Variants in GSE1 observed in about 807,000 individuals in gnomAD.
GSE1 encodes Gse1 coiled-coil protein.
In GSE1, 32 loss-of-function variants were observed where a neutral mutation model predicts 112.6. The observed-to-expected ratio is 0.28, with a 90% confidence interval of 0.21 to 0.38. GSE1 has a LOEUF of 0.38. Ranked by LOEUF, GSE1 falls within the 10% of genes least tolerant of loss-of-function variation. GSE1 has a pLI of 1.00. For synonymous variants in GSE1, 1,115 were observed against 735.6 expected, an observed-to-expected ratio of 1.52 and a Z score of -8.35; for missense variants, 2,348 against 1,699.2, an observed-to-expected ratio of 1.38 and a Z score of -6.71.
chr16:85,603,295 T>G (rs146669840), intron 1 of GSE1, among the ~76,000 whole-genome samples: 29 of 151,880 alleles, frequency 1.9e-4, no homozygotes, highest in African/African-American at 6.5e-4. Flanking sequence ...AGACGCCGAG[T>G]GGGGAAAGTT....
intron 2 of GSE1, among the ~76,000 whole-genome samples, chr16:85,388,572 G>A (rs2047759418): frequency 6.7e-6 from 1 of 149,584 alleles, no homozygotes; most frequent in Admixed American, 6.7e-5. Flanking sequence ...GGGTAGATGG[G>A]TGAGTGGATG....
chr16:85,633,037 C>T (rs1489078879), intron 1 of GSE1, among the ~76,000 whole-genome samples: 1 of 144,468 alleles, frequency 6.9e-6, no homozygotes, highest in Non-Finnish European at 1.5e-5. Context: ...CCGCTGTCAC[C>T]ACTGGCCGGG....
At position 85,207,215 on chromosome 16, in the gene GSE1, C is replaced by T. The variant is rs189423309; in HGVS notation, c.2283+35408C>T. 5.6e-3 allele frequency among the ~76,000 whole-genome samples: 858 copies of T among 152,312 alleles called. 7 individuals are homozygous for T. The highest frequency in any genetic ancestry group is 0.02 in the African/African-American group (832 of 41,562). ...CCCCCGTCCTCCCAAGGGCACTGCTCCCCAGCAGAACCCCCACTTGCTCCT... is the reference window on the plus strand; with the variant it reads ...CCCCCGTCCTCCCAAGGGCACTGCTTCCCAGCAGAACCCCCACTTGCTCCT... On this transcript the variant is annotated intron_variant, in intron 1 of 2. Coordinates refer to the GSE1 transcript ENST00000637419.
At chr16:85,343,100 T>C (rs901398624) in intron 1 of GSE1, among the ~76,000 whole-genome samples, 1 of 152,012 alleles carries the variant, frequency 6.6e-6, no homozygotes, top group Non-Finnish European at 1.5e-5. Flanking sequence ...TTCTTGATCC[T>C]GTTAAACCCA....
At chr16:85,337,051 C>T (rs2046505297) in intron 1 of GSE1, among the ~76,000 whole-genome samples, 1 of 152,252 alleles carries the variant, frequency 6.6e-6, no homozygotes, top group South Asian at 2.1e-4. Context: ...CACACTGACA[C>T]ATATGCACAC....
chr16:85,612,651 A>C (rs1194040314), upstream of GSE1, among the ~76,000 whole-genome samples: 1 of 148,474 alleles, frequency 6.7e-6, no homozygotes, highest in African/African-American at 2.5e-5. Context: ...TTTTGAGGCC[A>C]AGTTCTTAGT....
rs1555526332 is a variant in GSE1, at chr16:85,519,567, T to TTTCACCACCATCACCAC, written c.2465-114347_2465-114346insTTCACCACCATCACCAC. Among the ~76,000 whole-genome samples the TTTCACCACCATCACCAC allele has an allele frequency of 3.3e-3, 4 of 1,206 alleles. 2 individuals carry two copies. Among genetic ancestry groups the TTTCACCACCATCACCAC allele is most frequent in the South Asian group, 0.1 (2 of 20 alleles). 0.8% of individuals were successfully genotyped at this position (1,206 alleles called of 152,430 possible). A position where few individuals can be genotyped will look rare whatever the true frequency, so the allele number is the denominator to read the frequency against. ...ACTATTACCACCATCACTATCATCA[T>TTTCACCACCATCACCAC]CACCATCACCAGTCTCCATCATCAT... On this transcript the variant is annotated intron_variant, in intron 2 of 2. Transcript: ENST00000637419.
At chr16:85,640,482 C>T (rs950988147) in intron 2 of GSE1, among the ~76,000 whole-genome samples, 1 of 152,228 alleles carries the variant, frequency 6.6e-6, no homozygotes, top group Non-Finnish European at 1.5e-5. Context: ...TGTCTGCTGG[C>T]TGCCTGCCTC....
chr16:85,543,201 A>T (rs2044582964), intron 2 of GSE1, among the ~76,000 whole-genome samples: 2 of 140,262 alleles, frequency 1.4e-5, no homozygotes, highest in Admixed American at 1.6e-4. Context: ...ACAGAGCAAG[A>T]CTCCATCTCA....
At chr16:85,252,553 A>G (rs1229509115) in intron 1 of GSE1, among the ~76,000 whole-genome samples, 1 of 152,198 alleles carries the variant, frequency 6.6e-6, no homozygotes, top group African/African-American at 2.4e-5. Context: ...TGAGAAGCTC[A>G]AGTCAGGGTC....
rs558902161 is a variant in GSE1 at position 85,424,950 on chromosome 16, G to C, written c.2464+67307G>C. Among the ~76,000 whole-genome samples, 15 of 152,388 alleles carry C rather than the reference G, an allele frequency of 9.8e-5. No individual in the cohort carries two copies. The South Asian group carries it at 3.1e-3, about 32-fold the overall frequency. On this transcript the variant is annotated intron_variant, in intron 2 of 2. Transcript: ENST00000637419. ...TTTAACATGTGTCAGGGCCTCTTCG[G>C]GTTGCAGGCAGAGCTCTGCCTCCCA...
At chr16:85,415,815 T>C (rs1178327936) in intron 2 of GSE1, among the ~76,000 whole-genome samples, 2 of 152,200 alleles carry the variant, frequency 1.3e-5, no homozygotes, top group Non-Finnish European at 2.9e-5. Context: ...CTAGAAGGAT[T>C]GTAGGCTATT....
chr16:85,249,653 GCTCT>G (rs1906238690), intron 1 of GSE1, among the ~76,000 whole-genome samples: 2 of 152,202 alleles, frequency 1.3e-5, no homozygotes, highest in Admixed American at 1.3e-4. Flanking sequence ...GCGTCCAGCT[GCTCT>G]GGGGCAGGCC....
Position 85,661,263 on chromosome 16 carries a change from C to T in GSE1, c.1758C>T (p.Asn586=). The change falls in exon 9 of 16, where the codon AAC becomes AAT. Residue 586 remains asparagine, a synonymous_variant. Transcript: ENST00000253458. ...ATGCTGCACCCACGGCCCTCTGGAA[C>T]CCCGTGTCCCTGATGGACAACACCT... ...QLHAAPTALW[N]PVSLMDNTLE... is the part of the protein sequence containing the mutation. 6.2e-7 allele frequency: 1 copy of T among 1,612,982 alleles called. No individual in the cohort carries two copies. Among genetic ancestry groups the T allele is most frequent in the South Asian group, 1.1e-5 (1 of 91,088 alleles).
At chr16:85,248,254 C>T (rs1906080129) in intron 1 of GSE1, among the ~76,000 whole-genome samples, 1 of 152,198 alleles carries the variant, frequency 6.6e-6, no homozygotes, top group Non-Finnish European at 1.5e-5. Flanking sequence ...CTCTGCCTCC[C>T]TTTACCTTTC....
chr16:85,528,725 G>A (rs2052448903), intron 2 of GSE1, among the ~76,000 whole-genome samples: 1 of 152,144 alleles, frequency 6.6e-6, no homozygotes, highest in South Asian at 2.1e-4. Flanking sequence ...CCCTTTGGCA[G>A]AGCACAGAAG....
intron 11 of GSE1, among the ~76,000 whole-genome samples, chr16:85,664,155 A>G (rs570060440): frequency 6.6e-6 from 1 of 152,372 alleles, no homozygotes; most frequent in African/African-American, 2.4e-5. Flanking sequence ...ATATAGCAGA[A>G]GAAACAACGC....
chr16:85,423,455 G>A (rs1410700967), intron 2 of GSE1, among the ~76,000 whole-genome samples: 1 of 152,246 alleles, frequency 6.6e-6, no homozygotes, highest in Non-Finnish European at 1.5e-5. Flanking sequence ...TTCCCATCCA[G>A]CTGGTCTGGG....
rs1028731507 is a variant in GSE1 at position 85,202,946 on chromosome 16, C to T, written c.2283+31139C>T. Reference sequence around the variant, plus strand: ...AGCCAGCCCTCGTCCTCTCCCTTCGCCTCCTCCCCTTCCCTCCTCCCCCTC... The same window carrying T: ...AGCCAGCCCTCGTCCTCTCCCTTCGTCTCCTCCCCTTCCCTCCTCCCCCTC... On this transcript the variant is annotated intron_variant, in intron 1 of 2. Coordinates refer to the GSE1 transcript ENST00000637419. Among the ~76,000 whole-genome samples the T allele has an allele frequency of 1.1e-3, 169 of 151,740 alleles. 1 individual carries two copies. Among genetic ancestry groups the T allele is most frequent in the Non-Finnish European group, 1.8e-4 (12 of 67,846 alleles).
Sources: allele counts gnomAD v4.1 joint callset (sites outside exome capture counted in the v4.1 genomes callset), GRCh38; gene constraint gnomAD v4.1.1; transcripts MANE v1.5; gene names NCBI Gene and HGNC (gene_info 2026-07-23, HGNC 2026-07-21).